The following HIVEP3 variants were observed in gnomAD, a reference collection of about 807,000 sequenced individuals.
HIVEP3 encodes the protein HIVEP zinc finger 3, also known as transcription factor HIVEP3.
In HIVEP3, 49 loss-of-function variants were observed where a neutral mutation model predicts 152.8. That is an observed-to-expected ratio of 0.32 (90% CI 0.26 to 0.41). The LOEUF is 0.41. HIVEP3 is among the 10% of genes least tolerant of loss of function. HIVEP3 has a pLI of 1.00. For missense variants in HIVEP3, 2,790 were observed against 3,103.3 expected (o/e 0.90, Z 2.40); for synonymous variants, 1,269 against 1,289.0 (o/e 0.98, Z 0.33).
rs553836585 is a variant in HIVEP3, at chr1:41,556,509, G to A, written c.5207+19035C>T. On this transcript the variant is annotated intron_variant, in intron 5 of 8. Transcript: ENST00000372583. ...AGGTTGTTGTTGTTGAGTTGTAGGAGTTCTTTACATATTCTGGATATCAAG... is the reference window on the plus strand; with the variant it reads ...AGGTTGTTGTTGTTGAGTTGTAGGAATTCTTTACATATTCTGGATATCAAG... Among the ~76,000 whole-genome samples the A allele has an allele frequency of 2.6e-5, 4 of 152,286 alleles. No homozygotes were observed. In the South Asian group the frequency reaches 8.3e-4, roughly 32 times the overall value.
intron 2 of HIVEP3, among the ~76,000 whole-genome samples, chr1:41,658,944 CT>C (rs1645670956): frequency 6.6e-6 from 1 of 152,254 alleles, no homozygotes; most frequent in Non-Finnish European, 1.5e-5. Context: ...GAAGTCTGAC[CT>C]TTTCCTCATT....
chr1:41,909,457 T>C (rs1196334930), intron 1 of HIVEP3, among the ~76,000 whole-genome samples: 1 of 152,104 alleles, frequency 6.6e-6, no homozygotes, highest in Non-Finnish European at 1.5e-5. Context: ...AGGTACCTAA[T>C]AACAAAGGCT....
chr1:41,858,733 A>T, intron 1 of HIVEP3, among the ~76,000 whole-genome samples: 1 of 152,256 alleles, frequency 6.6e-6, no homozygotes, highest in East Asian at 1.9e-4. Context: ...ACAAGAAAGT[A>T]AAACAAGATG....
chr1:41,535,115 C>T (rs1292119689), intron 5 of HIVEP3, among the ~76,000 whole-genome samples: 1 of 152,198 alleles, frequency 6.6e-6, no homozygotes, highest in Non-Finnish European at 1.5e-5. Context: ...GCCAAGACCA[C>T]CCAGCCAGCA....
At chr1:41,874,057 T>A (rs995912362) in intron 1 of HIVEP3, among the ~76,000 whole-genome samples, 1 of 152,246 alleles carries the variant, frequency 6.6e-6, no homozygotes, top group African/African-American at 2.4e-5. Context: ...CTCACCCACC[T>A]GAGTTCATAA....
intron 3 of HIVEP3, among the ~76,000 whole-genome samples, chr1:41,595,604 C>T (rs905517149): frequency 3.3e-5 from 5 of 152,096 alleles, no homozygotes; most frequent in African/African-American, 9.7e-5. Context: ...TGATTAATAT[C>T]GAATGTCAAC....
intron 2 of HIVEP3, among the ~76,000 whole-genome samples, chr1:41,683,096 C>G (rs1021026901): frequency 1.3e-5 from 2 of 152,190 alleles, no homozygotes; most frequent in Non-Finnish European, 2.9e-5. Context: ...AAACATGAAA[C>G]AACACAGCAA....
intron 2 of HIVEP3, among the ~76,000 whole-genome samples, chr1:41,688,500 T>C (rs1389689931): frequency 3.3e-5 from 5 of 152,268 alleles, no homozygotes; most frequent in African/African-American, 9.6e-5. Context: ...TCCCAGTTCA[T>C]TTTAATTTTT....
chr1:41,658,401 T>C (rs1457512256), intron 2 of HIVEP3, among the ~76,000 whole-genome samples: 2 of 152,154 alleles, frequency 1.3e-5, no homozygotes, highest in Non-Finnish European at 2.9e-5. Context: ...CTAATAGTTA[T>C]TAAAAGCCCA....
intron 2 of HIVEP3, among the ~76,000 whole-genome samples, chr1:41,669,731 ACT>A (rs1645846418): frequency 6.6e-6 from 1 of 152,148 alleles, no homozygotes; most frequent in Non-Finnish European, 1.5e-5. Flanking sequence ...AGGCCTTCAG[ACT>A]CAGACTAGAA....
intron 1 of HIVEP3, among the ~76,000 whole-genome samples, chr1:41,810,401 TC>T (rs898258878): frequency 4.2e-4 from 64 of 152,260 alleles, no homozygotes; most frequent in African/African-American, 1.4e-3. Context: ...AGTGCAATGA[TC>T]TCTCCTGGGT....
intron 1 of HIVEP3, among the ~76,000 whole-genome samples, chr1:41,709,274 C>T (rs1646478472): frequency 6.6e-6 from 1 of 152,194 alleles, no homozygotes; most frequent in South Asian, 2.1e-4. Flanking sequence ...GTGTAAGTCC[C>T]TTGTAGTTAG....
chr1:41,928,060 C>CA (rs10660316), intron 1 of HIVEP3, among the ~76,000 whole-genome samples: 5,511 of 86,192 alleles, frequency 0.064, 562 homozygotes, highest in African/African-American at 0.17. Flanking sequence ...GACTCCATCT[C>CA]AAAAAAAAAA....
At chr1:41,721,824 T>C (rs190336065) in intron 1 of HIVEP3, among the ~76,000 whole-genome samples, 49 of 152,266 alleles carry the variant, frequency 3.2e-4, no homozygotes, top group African/African-American at 9.6e-4. Flanking sequence ...GAATCTGTGC[T>C]CCTAACCCCA....
chr1:41,735,404 T>C (rs1238439257), intron 1 of HIVEP3, among the ~76,000 whole-genome samples: 4 of 152,162 alleles, frequency 2.6e-5, no homozygotes, highest in Non-Finnish European at 5.9e-5. Context: ...TGAATCCATT[T>C]GACAATTCTA....
At chr1:41,954,146 G>T (rs1645125712) in intron 1 of HIVEP3, among the ~76,000 whole-genome samples, 1 of 152,178 alleles carries the variant, frequency 6.6e-6, no homozygotes, top group Admixed American at 6.5e-5. Context: ...CCTATGCAGG[G>T]CATCAGCTCA....
At chr1:41,854,391 G>A (rs898217146) in intron 1 of HIVEP3, among the ~76,000 whole-genome samples, 1 of 152,028 alleles carries the variant, frequency 6.6e-6, no homozygotes, top group Non-Finnish European at 1.5e-5. Flanking sequence ...GCATCCCACT[G>A]AAAACAGAAG....
At chr1:41,591,898 C>A (rs959067376) in intron 3 of HIVEP3, among the ~76,000 whole-genome samples, 1 of 152,116 alleles carries the variant, frequency 6.6e-6, no homozygotes, top group Admixed American at 6.5e-5. Flanking sequence ...CCAACGAGAG[C>A]GGGCTGGGAA....
intron 1 of HIVEP3, among the ~76,000 whole-genome samples, chr1:42,029,988 T>G (rs1645604342): frequency 6.6e-6 from 1 of 152,218 alleles, no homozygotes; most frequent in African/African-American, 2.4e-5. Flanking sequence ...CACTGATGAA[T>G]GCAGAAAGCA....
Sources: gnomAD v4.1 joint callset for allele counts (sites outside exome capture counted in the v4.1 genomes callset) on GRCh38, gnomAD v4.1.1 for gene constraint, MANE v1.5 for transcripts, NCBI Gene and HGNC (gene_info 2026-07-23, HGNC 2026-07-21) for gene names.